The following ZNF765 variants were observed in gnomAD, a reference collection of about 807,000 sequenced individuals.
ZNF765 encodes the protein zinc finger protein 765.
In ZNF765, 37 loss-of-function variants were observed where a neutral mutation model predicts 44.7. The observed-to-expected ratio is 0.83, with a 90% CI of 0.64 to 1.09. ZNF765 has a LOEUF of 1.09. Ranked by LOEUF, ZNF765 falls within the 50% of genes least tolerant of loss-of-function variation. The pLI is 0.00. For synonymous variants in ZNF765, 201 were observed against 213.7 expected (o/e 0.94, Z 0.52); for missense variants, 594 against 626.1 (o/e 0.95, Z 0.55).
rs146328385 is a variant in ZNF765 at position 53,417,031 on chromosome 19, C to T, written c.143-6031C>T. On this transcript the variant is annotated intron_variant, in intron 3 of 3. Transcript: ENST00000594030. ...CGAGGTTTCACCATGTTGGCCAGGC[C>T]GGTCCCTAACTCTTGACCTCAGGTG... Among the ~76,000 whole-genome samples, 584 of 152,104 alleles carry T rather than the reference C, an allele frequency of 3.8e-3. 6 individuals are homozygous for T. The highest frequency in any genetic ancestry group is 0.014 in the African/African-American group (569 of 41,484).
At chr19:53,413,645 C>T (rs1417617740), downstream of ZNF765, among the ~76,000 whole-genome samples, 6 of 146,118 alleles carry the variant, frequency 4.1e-5, no homozygotes, top group Non-Finnish European at 4.5e-5. Flanking sequence ...GTGGATCACA[C>T]CTGTGATCCT....
chr19:53,397,531 A>G (rs1356506343), intron 1 of ZNF765, among the ~76,000 whole-genome samples: 1 of 152,194 alleles, frequency 6.6e-6, no homozygotes, highest in Non-Finnish European at 1.5e-5. Context: ...ACAGACGTGC[A>G]CAACCATGCC....
At chr19:53,414,664 C>G (rs1003565793), downstream of ZNF765, among the ~76,000 whole-genome samples, 2 of 150,992 alleles carry the variant, frequency 1.3e-5, no homozygotes, top group African/African-American at 4.9e-5. Context: ...GTGGAGTTAC[C>G]TGGGTGCGCA....
Position 53,409,164 on chromosome 19 carries a change from T to TGGCTGGGCAGAGTGGCTCACGCCTGTA in ZNF765, c.*37_*38insGGCTGGGCAGAGTGGCTCACGCCTGTA. 2 of 1,538,550 alleles carry TGGCTGGGCAGAGTGGCTCACGCCTGTA rather than the reference T, an allele frequency of 1.3e-6. No homozygotes were observed. Among genetic ancestry groups the TGGCTGGGCAGAGTGGCTCACGCCTGTA allele is most frequent in the East Asian group, 4.5e-5 (2 of 44,408 alleles). On this transcript the variant is annotated 3_prime_UTR_variant, in exon 4 of 4. Transcript: ENST00000396408. Reference sequence around the variant, plus strand: ...AGACCTTCAATCAGGAGTTAACCCTTACATGCCATCGTAGGCTTCATAGTG... The same window carrying TGGCTGGGCAGAGTGGCTCACGCCTGTA: ...AGACCTTCAATCAGGAGTTAACCCTTGGCTGGGCAGAGTGGCTCACGCCTGTAACATGCCATCGTAGGCTTCATAGTG...
At chr19:53,400,771 T>TATATATATATATATATATATAC (rs1555831207) in intron 2 of ZNF765, among the ~76,000 whole-genome samples, 1 of 84,202 alleles carries the variant, frequency 1.2e-5, no homozygotes, top group East Asian at 3.2e-4. Context: ...GACATATATA[T>TATATATATATATATATATATAC]ATATATATAT....
intron 2 of ZNF765, among the ~76,000 whole-genome samples, chr19:53,400,400 C>A (rs117604925): frequency 5.3e-5 from 8 of 152,134 alleles, no homozygotes; most frequent in South Asian, 2.1e-4. Context: ...AGATATCTCA[C>A]GATTCCTCCA....
At chr19:53,399,149 T>C (rs1039994787) in intron 2 of ZNF765, among the ~76,000 whole-genome samples, 1 of 151,982 alleles carries the variant, frequency 6.6e-6, no homozygotes, top group Non-Finnish European at 1.5e-5. Context: ...GTTAGTTACA[T>C]ATGTATACAT....
At chr19:53,418,422 C>G (rs2085887546) in intron 3 of ZNF765, among the ~76,000 whole-genome samples, 1 of 152,248 alleles carries the variant, frequency 6.6e-6, no homozygotes, top group East Asian at 1.9e-4. Flanking sequence ...GCGGTTGTGA[C>G]AGCAGGTGAG....
At chr19:53,401,150 G>A (rs2085721794) in intron 2 of ZNF765, among the ~76,000 whole-genome samples, 1 of 152,086 alleles carries the variant, frequency 6.6e-6, no homozygotes, top group Admixed American at 6.6e-5. Flanking sequence ...ACAGGCATGT[G>A]CCACTGCACC....
exon 4 of ZNF765, chr19:53,426,499 A>G (rs2085940350): frequency 6.6e-6 from 1 of 152,078 alleles, no homozygotes; most frequent in Admixed American, 6.5e-5. Context: ...GTCAAGCTGC[A>G]CTAATCTAGA....
chr19:53,407,026 T>G (rs2085781787), intron 3 of ZNF765, among the ~76,000 whole-genome samples: 1 of 152,142 alleles, frequency 6.6e-6, no homozygotes, highest in Non-Finnish European at 1.5e-5. Flanking sequence ...TAACATTTTT[T>G]TTCAAGATGG....
chr19:53,417,787 T>G (rs1403986976), intron 3 of ZNF765, among the ~76,000 whole-genome samples: 1 of 152,194 alleles, frequency 6.6e-6, no homozygotes, highest in Non-Finnish European at 1.5e-5. Context: ...AAAATCCTTC[T>G]TAGGTACTTT....
intron 3 of ZNF765, among the ~76,000 whole-genome samples, chr19:53,422,344 C>T (rs2085912343): frequency 6.6e-6 from 1 of 152,166 alleles, no homozygotes; most frequent in Non-Finnish European, 1.5e-5. Flanking sequence ...CAAATCATGT[C>T]ACCTCTCTGT....
chr19:53,405,969 G>C (rs1258348310), intron 3 of ZNF765, among the ~76,000 whole-genome samples: 4 of 112,152 alleles, frequency 3.6e-5, no homozygotes, highest in Non-Finnish European at 7.1e-5. Flanking sequence ...TGTATTGCCT[G>C]GCTGTTTCAT....
Position 53,409,537 on chromosome 19 carries a change from A to C in ZNF765, c.*410A>C. On this transcript the variant is annotated 3_prime_UTR_variant, in exon 4 of 4. Transcript: ENST00000396408. ...ACTTCGTACTGGAGAGAAACCTTAC[A>C]AATGTGAAGAATTTGAGTTTTCCAT... is the stretch of plus-strand genomic sequence containing the variant. The C allele has an allele frequency of 3.6e-6, 4 of 1,098,672 alleles. No individual in the cohort carries two copies. In the South Asian group the frequency reaches 5.0e-5, roughly 14 times the overall value. 68.1% of individuals were successfully genotyped at this position (1,098,672 alleles called of 1,614,324 possible). A position where few individuals can be genotyped will look rare whatever the true frequency, so the allele number is the denominator to read the frequency against.
At chr19:53,396,294 G>A (rs146592341) in intron 1 of ZNF765, among the ~76,000 whole-genome samples, 1,971 of 152,216 alleles carry the variant, frequency 0.013, 27 homozygotes, top group Non-Finnish European at 0.021. Flanking sequence ...AGCAGAGGAG[G>A]CGCAGAGATG....
At chr19:53,414,797 G>A (rs552930885), downstream of ZNF765, among the ~76,000 whole-genome samples, 488 of 150,094 alleles carry the variant, frequency 3.3e-3, 1 homozygote, top group Middle Eastern at 6.8e-3. Context: ...GGTCACCACA[G>A]GTGCTCAATC....
chr19:53,399,122 A>G (rs1395647028), intron 2 of ZNF765, among the ~76,000 whole-genome samples: 1 of 151,650 alleles, frequency 6.6e-6, no homozygotes, highest in Admixed American at 6.6e-5. Flanking sequence ...TTTAGGGTAC[A>G]TGTGCACAAT....
At position 53,410,168 on chromosome 19, in the gene ZNF765, C is replaced by A; in HGVS notation, c.*1041C>A. ...CATAGAATTCATACTAGAGAGAAAC[C>A]TTAGCAGTGTAATGAACGTGGCAAG... On this transcript the variant is annotated 3_prime_UTR_variant, in exon 4 of 4. Coordinates refer to ENST00000396408, the MANE Select transcript of ZNF765 (RefSeq NM_001040185.3). 2.5e-6 allele frequency: 1 copy of A among 395,544 alleles called. No homozygotes were observed. The highest frequency in any genetic ancestry group is 2.0e-5 in the South Asian group (1 of 49,842). 24.5% of individuals were successfully genotyped at this position (395,544 alleles called of 1,614,324 possible).
Sources: allele counts gnomAD v4.1 joint callset (sites outside exome capture counted in the v4.1 genomes callset), GRCh38; gene constraint gnomAD v4.1.1; transcripts MANE v1.5; gene names NCBI Gene and HGNC (gene_info 2026-07-23, HGNC 2026-07-21).